DPF3: variants seen among roughly 807,000 people sequenced by gnomAD.
DPF3 encodes double PHD fingers 3.
In DPF3, 18 loss-of-function variants were observed where a neutral mutation model predicts 56.8. The observed-to-expected ratio is 0.32, with a 90% confidence interval of 0.22 to 0.47. DPF3 has a LOEUF of 0.47. Ranked by LOEUF, DPF3 falls within the 20% of genes least tolerant of loss-of-function variation. The pLI, the probability that DPF3 is intolerant of heterozygous loss-of-function variation, is 1.00. For synonymous variants in DPF3, 188 were observed against 180.2 expected, an observed-to-expected ratio of 1.04 and a Z score of -0.35; for missense variants, 403 against 488.8, an observed-to-expected ratio of 0.82 and a Z score of 1.65.
chr14:72,819,666 T>C (rs1237264654), intron 1 of DPF3, among the ~76,000 whole-genome samples: 1 of 152,222 alleles, frequency 6.6e-6, no homozygotes, highest in Non-Finnish European at 1.5e-5. Flanking sequence ...TCAGGCATGG[T>C]GGCTCACATC....
At chr14:72,744,721 G>A (rs1009628345) in intron 3 of DPF3, among the ~76,000 whole-genome samples, 3 of 152,060 alleles carry the variant, frequency 2.0e-5, no homozygotes, top group Non-Finnish European at 4.4e-5. Flanking sequence ...GGACTTCGTT[G>A]CTGAAACCTG....
intron 1 of DPF3, among the ~76,000 whole-genome samples, chr14:72,825,704 C>T (rs1883768468): frequency 1.1e-5 from 1 of 87,540 alleles, no homozygotes; most frequent in Non-Finnish European, 2.9e-5. Flanking sequence ...CAGCCCAGCC[C>T]AGCCCAGCCC....
intron 6 of DPF3, among the ~76,000 whole-genome samples, chr14:72,713,681 A>G (rs962038816): frequency 6.6e-6 from 1 of 152,160 alleles, no homozygotes; most frequent in Non-Finnish European, 1.5e-5. Context: ...GAAGATGACT[A>G]GGGCACAGGT....
In DPF3 at chr14:72,737,787, T is replaced by G. The variant is rs549428480; in HGVS notation, c.302-5853A>C. ...CAAGGCGCATCCATCCGTCCATCCA[T>G]CATGGGCTCCCTCTGATGCAGGGGC... On this transcript the variant is annotated intron_variant, in intron 3 of 10. Transcript: ENST00000556509. 1.1e-4 allele frequency among the ~76,000 whole-genome samples: 16 copies of G among 152,232 alleles called. No individual in the cohort carries two copies. The South Asian group carries it at 2.3e-3, about 22-fold the overall frequency.
In DPF3 at chr14:72,709,648, T is replaced by C. The variant is rs575545892; in HGVS notation, c.604+4775A>G. Among the ~76,000 whole-genome samples the C allele has an allele frequency of 1.2e-3, 184 of 152,230 alleles. 1 individual carries two copies. The highest frequency in any genetic ancestry group is 2.3e-3 in the Admixed American group (35 of 15,296). On this transcript the variant is annotated intron_variant, in intron 6 of 10. Transcript: ENST00000556509. Reference sequence around the variant, plus strand: ...TGTAAGGGGCAGTTAGTATGGAAGATGTCCTAGGGTATGGCGGTTCTAGAG... The same window carrying C: ...TGTAAGGGGCAGTTAGTATGGAAGACGTCCTAGGGTATGGCGGTTCTAGAG...
chr14:72,673,980 A>G, intron 8 of DPF3: 1 of 441,176 alleles, frequency 2.3e-6, no homozygotes, highest in Non-Finnish European at 4.0e-6. Flanking sequence ...AACACGCACA[A>G]AGAAATATGC....
chr14:72,661,910 A>C, intron 8 of DPF3: 4 of 971,624 alleles, frequency 4.1e-6, no homozygotes, highest in Non-Finnish European at 4.8e-6. Context: ...TCTGTGTTCG[A>C]ATCTATTGAA....
chr14:72,796,813 T>C (rs1892666473), intron 1 of DPF3, among the ~76,000 whole-genome samples: 1 of 152,090 alleles, frequency 6.6e-6, no homozygotes, highest in South Asian at 2.1e-4. Flanking sequence ...TCATTGTCGA[T>C]AGTTGAGTCT....
At chr14:72,644,517 G>T (rs1885656120) in intron 8 of DPF3, among the ~76,000 whole-genome samples, 1 of 152,138 alleles carries the variant, frequency 6.6e-6, no homozygotes, top group African/African-American at 2.4e-5. Flanking sequence ...TTAGAGAGTT[G>T]GAATAGTACA....
intron 1 of DPF3, chr14:72,892,004 CTCCCTCCCCA>C: frequency 1.6e-6 from 1 of 636,472 alleles, no homozygotes; most frequent in Non-Finnish European, 2.3e-6. Flanking sequence ...CCTACACAGA[CTCCCTCCCCA>C]AACACGCACC....
chr14:72,840,948 T>C (rs76463584), intron 1 of DPF3, among the ~76,000 whole-genome samples: 5,171 of 152,236 alleles, frequency 0.034, 117 homozygotes, highest in East Asian at 0.099. Flanking sequence ...AAATACAAAT[T>C]CCCAGGCATG....
At chr14:72,698,739 G>A (rs1341776288) in intron 6 of DPF3, among the ~76,000 whole-genome samples, 1 of 152,182 alleles carries the variant, frequency 6.6e-6, no homozygotes, top group East Asian at 1.9e-4. Flanking sequence ...TGGTAGGTTA[G>A]GTGTAAGACA....
intron 6 of DPF3, among the ~76,000 whole-genome samples, chr14:72,695,519 G>A (rs1328144531): frequency 6.6e-6 from 1 of 152,146 alleles, no homozygotes; most frequent in African/African-American, 2.4e-5. Context: ...TAGAACATAT[G>A]GTATTTGATT....
At chr14:72,723,012 T>C (rs558052362) in intron 5 of DPF3, among the ~76,000 whole-genome samples, 2 of 151,962 alleles carry the variant, frequency 1.3e-5, no homozygotes, top group East Asian at 1.9e-4. Context: ...CTTCTTTTTT[T>C]TTTTATAGTC....
rs1555503988 is a variant in DPF3 at position 72,756,869 on chromosome 14, A to AAAGAAAGGAAGG, written c.194-3499_194-3498insCCTTCCTTTCTT. Among the ~76,000 whole-genome samples, 175 of 95,670 alleles carry AAAGAAAGGAAGG rather than the reference A, an allele frequency of 1.8e-3. No homozygotes were observed. In the Middle Eastern group the frequency reaches 0.026, roughly 14 times the overall value. The allele number at this position is 95,670 out of a possible 152,430, so 62.8% of individuals were successfully genotyped here. A position where few individuals can be genotyped will look rare whatever the true frequency, so the allele number is the denominator to read the frequency against. ...GAAAGAAAGAAAGAAAGAAAGAAAGAAAGGAAGGAAAGAAGGAAAGAAAGA... is the reference window on the plus strand; with the variant it reads ...GAAAGAAAGAAAGAAAGAAAGAAAGAAAGAAAGGAAGGAAGGAAGGAAAGAAGGAAAGAAAGA... On this transcript the variant is annotated intron_variant, in intron 2 of 10. Coordinates refer to ENST00000556509, the MANE Select transcript of DPF3 (RefSeq NM_001280542.3).
intron 1 of DPF3, 52 bp from the exon 2 acceptor site, chr14:72,771,945 C>T (rs960611513): frequency 1.0e-5 from 14 of 1,392,432 alleles, no homozygotes; most frequent in African/African-American, 8.8e-5. Context: ...TGAAACACAC[C>T]CAGAGGGAAA....
chr14:72,768,086 A>AT (rs1891365864), intron 2 of DPF3, among the ~76,000 whole-genome samples: 1 of 152,222 alleles, frequency 6.6e-6, no homozygotes, highest in Non-Finnish European at 1.5e-5. Flanking sequence ...AAATCAAGAC[A>AT]TTCTCCACTG....
intron 6 of DPF3, among the ~76,000 whole-genome samples, chr14:72,705,673 C>G (rs1046909945): frequency 2.0e-5 from 3 of 152,168 alleles, no homozygotes; most frequent in Non-Finnish European, 4.4e-5. Context: ...CTTCTTCTTC[C>G]CTGGTATGCA....
At chr14:72,632,782 G>T (rs1400592741) in intron 8 of DPF3, among the ~76,000 whole-genome samples, 1 of 133,188 alleles carries the variant, frequency 7.5e-6, no homozygotes, top group Admixed American at 7.6e-5. Flanking sequence ...AAGAGGGGAA[G>T]GGGATGGGAA....
Sources: allele counts gnomAD v4.1 joint callset (sites outside exome capture counted in the v4.1 genomes callset), GRCh38; gene constraint gnomAD v4.1.1; transcripts MANE v1.5; gene names NCBI Gene and HGNC (gene_info 2026-07-23, HGNC 2026-07-21).